The following NLGN1 variants were observed in gnomAD, a reference collection of about 807,000 sequenced individuals.
NLGN1 encodes the protein neuroligin-1.
NLGN1 carries 12 observed loss-of-function variants against 65.5 expected under a neutral mutation model. The observed-to-expected ratio is 0.18, with a 90% CI of 0.12 to 0.30. The LOEUF is 0.30. Among genes scored for constraint, NLGN1 ranks in the 10% least tolerant of loss-of-function variants. The pLI is 1.00. For missense variants in NLGN1, 750 were observed against 1,007.1 expected, an observed-to-expected ratio of 0.74 and a Z score of 3.46; for synonymous variants, 350 against 359.5, an observed-to-expected ratio of 0.97 and a Z score of 0.30.
intron 1 of NLGN1, among the ~76,000 whole-genome samples, chr3:173,430,146 C>T (rs1716923507): frequency 6.6e-6 from 1 of 152,160 alleles, no homozygotes; most frequent in African/African-American, 2.4e-5. Context: ...CTGCTAGAAC[C>T]TTTCTGCATA....
chr3:174,023,166 C>A (rs1728116950), intron 4 of NLGN1, among the ~76,000 whole-genome samples: 1 of 152,098 alleles, frequency 6.6e-6, no homozygotes, highest in South Asian at 2.1e-4. Flanking sequence ...CCTGCTGCAG[C>A]TCACATTGAT....
chr3:174,227,700 T>A (rs1235078690), intron 4 of NLGN1, among the ~76,000 whole-genome samples: 1 of 152,046 alleles, frequency 6.6e-6, no homozygotes, highest in African/African-American at 2.4e-5. Context: ...GATTCATAAA[T>A]GTCTGGTGGC....
At chr3:173,884,964 A>C (rs1734062924) in intron 4 of NLGN1, among the ~76,000 whole-genome samples, 1 of 152,102 alleles carries the variant, frequency 6.6e-6, no homozygotes. Flanking sequence ...TTACCCTCTC[A>C]AGCCCTTTTA....
intron 3 of NLGN1, among the ~76,000 whole-genome samples, chr3:173,666,191 A>AAT (rs754742169): frequency 6.2e-4 from 94 of 151,142 alleles, no homozygotes; most frequent in Admixed American, 1.3e-3. Flanking sequence ...TGTTGTAGTA[A>AAT]ATATATATAT....
intron 4 of NLGN1, among the ~76,000 whole-genome samples, chr3:173,956,380 C>T (rs1438247952): frequency 1.3e-5 from 2 of 151,938 alleles, no homozygotes; most frequent in African/African-American, 2.4e-5. Flanking sequence ...AATCTCCTTC[C>T]TCCTCTTTCC....
intron 3 of NLGN1, among the ~76,000 whole-genome samples, chr3:173,623,023 T>A (rs548429024): frequency 6.6e-6 from 1 of 152,220 alleles, no homozygotes; most frequent in South Asian, 2.1e-4. Context: ...AAGGGAGTGT[T>A]GAGTCCCAGG....
chr3:173,504,524 A>G (rs929989624), intron 2 of NLGN1, among the ~76,000 whole-genome samples: 3 of 152,042 alleles, frequency 2.0e-5, no homozygotes, highest in Admixed American at 1.3e-4. Context: ...AAATATTTTG[A>G]TATTATGGAG....
intron 2 of NLGN1, among the ~76,000 whole-genome samples, chr3:173,501,807 C>T (rs957375481): frequency 6.6e-6 from 1 of 151,772 alleles, no homozygotes; most frequent in African/African-American, 2.4e-5. Context: ...AGATTTTTAT[C>T]AAAAGGAAAT....
At chr3:173,502,164 A>T (rs1230781173) in intron 2 of NLGN1, among the ~76,000 whole-genome samples, 1 of 152,148 alleles carries the variant, frequency 6.6e-6, no homozygotes, top group Non-Finnish European at 1.5e-5. Context: ...TTTTGACAAC[A>T]ATCAACTCTA....
chr3:173,855,107 T>C (rs1402858228), intron 4 of NLGN1, among the ~76,000 whole-genome samples: 1 of 152,052 alleles, frequency 6.6e-6, no homozygotes, highest in Non-Finnish European at 1.5e-5. Context: ...GCTTTAACAG[T>C]GTTTGACAAA....
chr3:173,487,438 CACTG>C (rs1243930167), intron 2 of NLGN1, among the ~76,000 whole-genome samples: 4 of 151,838 alleles, frequency 2.6e-5, no homozygotes, highest in Non-Finnish European at 5.9e-5. Flanking sequence ...AATATTGATT[CACTG>C]ACTGTTCTGG....
chr3:174,219,303 C>T (rs1738209255), intron 4 of NLGN1, among the ~76,000 whole-genome samples: 1 of 152,050 alleles, frequency 6.6e-6, no homozygotes, highest in African/African-American at 2.4e-5. Context: ...CTGCTTCTTC[C>T]ACTCTTCACT....
intron 1 of NLGN1, among the ~76,000 whole-genome samples, chr3:173,414,839 C>G (rs1262396521): frequency 6.6e-6 from 1 of 152,120 alleles, no homozygotes; most frequent in Non-Finnish European, 1.5e-5. Flanking sequence ...GGGTGTGCAG[C>G]CTAGAATGAC....
intron 3 of NLGN1, among the ~76,000 whole-genome samples, chr3:173,742,062 A>G (rs902661113): frequency 4.2e-4 from 64 of 151,928 alleles, no homozygotes; most frequent in African/African-American, 1.4e-3. Flanking sequence ...GATGTTCTCT[A>G]TTTTTTTCTG....
chr3:173,814,900 G>T (rs1251665283), intron 4 of NLGN1, among the ~76,000 whole-genome samples: 3 of 152,132 alleles, frequency 2.0e-5, no homozygotes, highest in African/African-American at 7.2e-5. Context: ...GAGAAATAGT[G>T]CAATGAGAAG....
chr3:173,773,622 ATAAT>A (rs1270024707), intron 3 of NLGN1, among the ~76,000 whole-genome samples: 1 of 152,212 alleles, frequency 6.6e-6, no homozygotes, highest in African/African-American at 2.4e-5. Context: ...TTATTGAATA[ATAAT>A]TAAATTAAGT....
At chr3:174,198,657 G>A (rs767986325) in intron 4 of NLGN1, among the ~76,000 whole-genome samples, 5 of 151,528 alleles carry the variant, frequency 3.3e-5, no homozygotes, top group South Asian at 2.1e-4. Flanking sequence ...ATTTTTGTTC[G>A]TTTTCTTTTT....
intron 2 of NLGN1, among the ~76,000 whole-genome samples, chr3:173,458,652 C>T (rs1310112176): frequency 6.6e-6 from 1 of 152,080 alleles, no homozygotes; most frequent in African/African-American, 2.4e-5. Context: ...CACCCACTCT[C>T]TAATCCACAA....
At chr3:173,958,355 G>A (rs920184694) in intron 4 of NLGN1, among the ~76,000 whole-genome samples, 17 of 152,128 alleles carry the variant, frequency 1.1e-4, no homozygotes, top group South Asian at 2.1e-4. Flanking sequence ...AGGGAGACCC[G>A]CAGTGGGTAG....
Sources: allele counts gnomAD v4.1 joint callset (sites outside exome capture counted in the v4.1 genomes callset), GRCh38; gene constraint gnomAD v4.1.1; transcripts MANE v1.5; gene names NCBI Gene and HGNC (gene_info 2026-07-23, HGNC 2026-07-21).